The following UBE2D3 variants were observed in gnomAD, a reference collection of about 807,000 sequenced individuals.
UBE2D3 encodes the protein ubiquitin conjugating enzyme E2 D3.
In UBE2D3, 2 loss-of-function variants were observed where a neutral mutation model predicts 22.8. The observed-to-expected ratio is 0.09, with a 90% confidence interval of 0.04 to 0.28. The LOEUF is 0.28. UBE2D3 is among the 10% of genes least tolerant of loss of function. The pLI is 1.00. For synonymous variants in UBE2D3, 56 were observed against 60.4 expected (o/e 0.93, Z 0.34); for missense variants, 27 against 182.5 (o/e 0.15, Z 4.91).
chr4:102,809,402 T>G (rs1184947549), intron 4 of UBE2D3: 1 of 446,040 alleles, frequency 2.2e-6, no homozygotes, highest in Non-Finnish European at 4.1e-6. Flanking sequence ...TACACAGTGC[T>G]ATGTAGAAAA....
Position 102,827,504 on chromosome 4 carries a change from G to T in UBE2D3, c.-206C>A. 1.0e-6 allele frequency: 1 copy of T among 986,170 alleles called. No homozygotes were observed. The highest frequency in any genetic ancestry group is 1.2e-6 in the Non-Finnish European group (1 of 830,138). The allele number at this position is 986,170 out of a possible 1,614,324, so 61.1% of individuals were successfully genotyped here. A position where few individuals can be genotyped will look rare whatever the true frequency, so the allele number is the denominator to read the frequency against. ...CAGCTGGTGCCTCCCCGGCCCTACGGGGCTCACGCGCACGACACAGCCACA... is the reference window on the plus strand; with the variant it reads ...CAGCTGGTGCCTCCCCGGCCCTACGTGGCTCACGCGCACGACACAGCCACA... On this transcript the variant is annotated 5_prime_UTR_variant, in exon 1 of 8. Transcript: ENST00000453744.
chr4:102,817,937 G>A (rs1729013124), intron 2 of UBE2D3, among the ~76,000 whole-genome samples: 2 of 152,068 alleles, frequency 1.3e-5, no homozygotes, highest in African/African-American at 2.4e-5. Context: ...AGGCTTCAGG[G>A]ACAAAAACAC....
chr4:102,847,115 G>T (rs1044323510), intron 1 of UBE2D3, among the ~76,000 whole-genome samples: 1 of 152,100 alleles, frequency 6.6e-6, no homozygotes, highest in African/African-American at 2.4e-5. Context: ...TGTCCCTATC[G>T]TATGTCTTAG....
rs1725250585 is a variant in UBE2D3, at chr4:102,796,144, A to G, written c.*1271T>C. The stretch of plus-strand genomic sequence containing the variant: ...AGCCTCATGACAACTCCCACACCAA[A>G]ACAGTACTTTATTTTGCAAATTTTG... On this transcript the variant is annotated 3_prime_UTR_variant, in exon 8 of 8. Coordinates refer to ENST00000453744, the MANE Select transcript of UBE2D3 (RefSeq NM_181891.3). The G allele has an allele frequency of 6.6e-6, 1 of 152,420 alleles. No homozygotes were observed. The highest frequency in any genetic ancestry group is 1.9e-4 in the East Asian group (1 of 5,194). 9.4% of individuals were successfully genotyped at this position (152,420 alleles called of 1,614,324 possible).
chr4:102,809,986 T>A, intron 2 of UBE2D3, 131 bp from the exon 3 acceptor site: 1 of 870,986 alleles, frequency 1.1e-6, no homozygotes, highest in Non-Finnish European at 1.8e-6. Context: ...ATAAATAATA[T>A]ATTCCATTAG....
At position 102,826,500 on chromosome 4, in the gene UBE2D3, C is replaced by G; in HGVS notation, c.9G>C (p.Leu3=). The change falls in exon 2 of 8, where the codon CTG becomes CTC. Residue 3 remains leucine, a synonymous_variant. Transcript: ENST00000453744. MA[L]KRINKELSDL... is the part of the protein sequence containing the mutation. ...CGCGGGTTACCTTATTAATCCGTTT[C>G]AGCGCCATAGTGTGTGCTTGTCGTC... 1 of 1,613,824 alleles carries G rather than the reference C, an allele frequency of 6.2e-7. No individual in the cohort carries two copies. The highest frequency in any genetic ancestry group is 8.5e-7 in the Non-Finnish European group (1 of 1,180,014).
At chr4:102,826,901 G>T in intron 1 of UBE2D3, 1 of 1,045,562 alleles carries the variant, frequency 9.6e-7, no homozygotes, top group African/African-American at 1.7e-5. Flanking sequence ...AGGGGTGGGT[G>T]CGGGGCAGGG....
At chr4:102,804,807 TG>T in intron 4 of UBE2D3, among the ~76,000 whole-genome samples, 1 of 152,156 alleles carries the variant, frequency 6.6e-6, no homozygotes, top group East Asian at 1.9e-4. Context: ...CCCGAGTAGC[TG>T]GAACTACAGG....
At chr4:102,820,500 T>C (rs1370243035) in intron 2 of UBE2D3, among the ~76,000 whole-genome samples, 1 of 152,220 alleles carries the variant, frequency 6.6e-6, no homozygotes, top group Non-Finnish European at 1.5e-5. Context: ...ACTTCCTGTT[T>C]AGTCGTAATT....
At chr4:102,821,583 A>G (rs552889882) in intron 2 of UBE2D3, among the ~76,000 whole-genome samples, 1 of 147,734 alleles carries the variant, frequency 6.8e-6, no homozygotes, top group African/African-American at 2.5e-5. Flanking sequence ...TGATTTAGTA[A>G]GTCTAAGACC....
At chr4:102,850,370 G>A (rs115024937) in intron 1 of UBE2D3, among the ~76,000 whole-genome samples, 1,809 of 152,206 alleles carry the variant, frequency 0.012, 21 homozygotes, top group African/African-American at 0.036. Context: ...TTTTAAAAGG[G>A]TGGTCCTTAA....
At chr4:102,826,461 C>T in intron 2 of UBE2D3, 24 bp downstream of exon 2, 8 of 1,613,964 alleles carry the variant, frequency 5.0e-6, no homozygotes, top group Non-Finnish European at 6.8e-6. Flanking sequence ...CCTACCACCC[C>T]ATGCCCTTGT....
chr4:102,815,825 G>A (rs561907878), intron 2 of UBE2D3, among the ~76,000 whole-genome samples: 2 of 152,032 alleles, frequency 1.3e-5, no homozygotes, highest in African/African-American at 4.8e-5. Flanking sequence ...ATAGAAAAAT[G>A]ACCTAAGTAT....
chr4:102,834,892 C>T (rs1048886561), intron 1 of UBE2D3, among the ~76,000 whole-genome samples: 13 of 152,062 alleles, frequency 8.5e-5, no homozygotes, highest in Admixed American at 2.6e-4. Flanking sequence ...AGTCCTCCCA[C>T]CTCAGCCTCC....
intron 2 of UBE2D3, among the ~76,000 whole-genome samples, chr4:102,821,068 A>C (rs889109318): frequency 3.9e-5 from 6 of 152,174 alleles, no homozygotes; most frequent in Non-Finnish European, 5.9e-5. Context: ...TTCTGAATAA[A>C]TCTTATCTAA....
intron 1 of UBE2D3, among the ~76,000 whole-genome samples, chr4:102,849,364 C>CAAAAA (rs55874314): frequency 1.7e-4 from 11 of 63,250 alleles, no homozygotes; most frequent in African/African-American, 6.0e-4. Context: ...ACCCCTGTCT[C>CAAAAA]AAAAAAAAAA....
chr4:102,839,372 T>G (rs1342010167), intron 1 of UBE2D3, among the ~76,000 whole-genome samples: 1 of 152,082 alleles, frequency 6.6e-6, no homozygotes, highest in Admixed American at 6.6e-5. Context: ...GCTCAAGTGA[T>G]CCTCCCACCT....
chr4:102,802,967 A>G (rs905860702), intron 4 of UBE2D3, among the ~76,000 whole-genome samples: 2 of 152,230 alleles, frequency 1.3e-5, no homozygotes, highest in Non-Finnish European at 2.9e-5. Flanking sequence ...AATAATCTGT[A>G]AACAAAATTT....
intron 1 of UBE2D3, among the ~76,000 whole-genome samples, chr4:102,867,981 G>A (rs1302094643): frequency 1.3e-5 from 2 of 151,806 alleles, no homozygotes; most frequent in Non-Finnish European, 1.5e-5. Context: ...TCTTCTTCCA[G>A]TGTGGCCTAG....
Sources: allele counts gnomAD v4.1 joint callset (sites outside exome capture counted in the v4.1 genomes callset), GRCh38; gene constraint gnomAD v4.1.1; transcripts MANE v1.5; gene names NCBI Gene and HGNC (gene_info 2026-07-23, HGNC 2026-07-21).